Variants in BAALC observed in about 807,000 individuals in gnomAD.
BAALC encodes the protein brain and acute leukemia cytoplasmic protein.
BAALC carries 9 observed loss-of-function variants against 15.5 expected under a neutral mutation model. The observed-to-expected ratio is 0.58, with a 90% CI of 0.35 to 1.02. The LOEUF (loss-of-function observed/expected upper bound fraction) is 1.02. Among genes scored for constraint, BAALC ranks in the 50% least tolerant of loss-of-function variants. The pLI is 0.02. For missense variants in BAALC, 201 were observed against 192.4 expected (o/e 1.04, Z -0.27); for synonymous variants, 80 against 74.6 (o/e 1.07, Z -0.37).
chr8:103,147,471 A>AT (rs796496071), intron 1 of BAALC, among the ~76,000 whole-genome samples: 8 of 151,964 alleles, frequency 5.3e-5, no homozygotes, highest in Non-Finnish European at 7.4e-5. Flanking sequence ...AACATTGCAG[A>AT]TTTTTTTTTC....
At chr8:103,207,587 G>A (rs1173962365) in intron 1 of BAALC, among the ~76,000 whole-genome samples, 1 of 152,208 alleles carries the variant, frequency 6.6e-6, no homozygotes, top group Non-Finnish European at 1.5e-5. Flanking sequence ...GAGAGGGGAA[G>A]AAGCCTTTCC....
At chr8:103,151,780 G>T (rs937735899) in intron 1 of BAALC, among the ~76,000 whole-genome samples, 4 of 150,916 alleles carry the variant, frequency 2.7e-5, no homozygotes, top group Non-Finnish European at 5.9e-5. Flanking sequence ...TCACAGACTT[G>T]CCGTGAATTC....
At chr8:103,201,226 G>C (rs547213696) in intron 1 of BAALC, among the ~76,000 whole-genome samples, 1 of 152,242 alleles carries the variant, frequency 6.6e-6, no homozygotes, top group South Asian at 2.1e-4. Context: ...GCCATGATGG[G>C]CAGGGCCTTG....
In BAALC at chr8:103,141,070, G is replaced by A. The variant is rs762250241; in HGVS notation, c.160+13G>A. On this transcript the variant is annotated intron_variant, in intron 1 of 2. Coordinates refer to ENST00000309982, the MANE Select transcript of BAALC (RefSeq NM_024812.3). ...GGCCTGCACTCGGGTAAGTGGCCGG[G>A]CCCCTGCAGACCCTCGCCCGCCCGC... 1.4e-6 allele frequency: 2 copies of A among 1,471,142 alleles called. No homozygotes were observed. Among genetic ancestry groups the A allele is most frequent in the African/African-American group, 1.5e-5 (1 of 67,584 alleles). The allele number at this position is 1,471,142 out of a possible 1,614,324, so 91.1% of individuals were successfully genotyped here.
intron 1 of BAALC, among the ~76,000 whole-genome samples, chr8:103,190,679 T>A (rs1811946565): frequency 6.6e-6 from 1 of 152,208 alleles, no homozygotes; most frequent in African/African-American, 2.4e-5. Context: ...CTAATGGCAC[T>A]CCGGGACTAG....
rs753878417 is a variant in BAALC at position 103,229,747 on chromosome 8, CTT to C, written c.*1650_*1651del. ...TAGGTGTTCTAATCAATGTACAAGACTTTACCATACACGCAACTATAGTTTTT... is the reference window on the plus strand; with the variant it reads ...TAGGTGTTCTAATCAATGTACAAGACTACCATACACGCAACTATAGTTTTT... On this transcript the variant is annotated 3_prime_UTR_variant, in exon 3 of 3. Transcript: ENST00000309982. 5 of 152,220 alleles carry C rather than the reference CTT, an allele frequency of 3.3e-5. No individual in the cohort carries two copies. The highest frequency in any genetic ancestry group is 4.8e-5 in the African/African-American group (2 of 41,448). The allele number at this position is 152,220 out of a possible 1,614,324, so 9.4% of individuals were successfully genotyped here.
intron 2 of BAALC, among the ~76,000 whole-genome samples, chr8:103,223,392 T>G (rs1252376480): frequency 1.3e-5 from 2 of 152,216 alleles, no homozygotes; most frequent in Non-Finnish European, 2.9e-5. Flanking sequence ...CTCAATGTTA[T>G]GTGACATACT....
At position 103,228,369 on chromosome 8, in the gene BAALC, G is replaced by A. The variant is rs759395358; in HGVS notation, c.*270G>A. ...TTCAGTTTGTCTCTTTGCAACTCCT[G>A]TAATACGGTCTGGTGTAAAAGTAGT... On this transcript the variant is annotated 3_prime_UTR_variant, in exon 3 of 3. Coordinates refer to ENST00000309982, the MANE Select transcript of BAALC (RefSeq NM_024812.3). 14 of 353,506 alleles carry A rather than the reference G, an allele frequency of 4.0e-5. No individual in the cohort carries two copies. Among genetic ancestry groups the A allele is most frequent in the Non-Finnish European group, 5.1e-5 (10 of 194,222 alleles). 21.9% of individuals were successfully genotyped at this position (353,506 alleles called of 1,614,324 possible).
At chr8:103,205,522 A>G (rs1372265581) in intron 1 of BAALC, among the ~76,000 whole-genome samples, 6 of 150,346 alleles carry the variant, frequency 4.0e-5, no homozygotes, top group African/African-American at 9.8e-5. Context: ...GTTGATCTCT[A>G]TGTCAGATAG....
At chr8:103,154,068 A>G (rs1056965754) in intron 1 of BAALC, among the ~76,000 whole-genome samples, 1 of 152,230 alleles carries the variant, frequency 6.6e-6, no homozygotes, top group African/African-American at 2.4e-5. Context: ...CAGTCTTCAT[A>G]GCAGTCAGGC....
rs557504531 is a variant in BAALC at position 103,181,459 on chromosome 8, G to A, written c.161-31460G>A. ...GCTAATTTTTTGTATTTTTAGTAGA[G>A]ATGGGGGTTTCACCATGTTAGCCAG... On this transcript the variant is annotated intron_variant, in intron 1 of 2. Coordinates refer to ENST00000309982, the MANE Select transcript of BAALC (RefSeq NM_024812.3). Among the ~76,000 whole-genome samples the A allele has an allele frequency of 2.9e-3, 431 of 150,656 alleles. 3 individuals carry two copies. The highest frequency in any genetic ancestry group is 9.8e-3 in the African/African-American group (406 of 41,380).
At chr8:103,161,029 G>A (rs763599629) in intron 1 of BAALC, among the ~76,000 whole-genome samples, 3 of 152,136 alleles carry the variant, frequency 2.0e-5, no homozygotes, top group Admixed American at 6.6e-5. Context: ...AACCATCACA[G>A]TGGTTAAGCC....
At chr8:103,142,915 G>T (rs187700677) in intron 1 of BAALC, among the ~76,000 whole-genome samples, 1 of 152,202 alleles carries the variant, frequency 6.6e-6, no homozygotes, top group Admixed American at 6.5e-5. Context: ...GGCCAGCCCT[G>T]CCAGAGAGGT....
chr8:103,181,519 G>A (rs372250220), intron 1 of BAALC, among the ~76,000 whole-genome samples: 35 of 152,158 alleles, frequency 2.3e-4, no homozygotes, highest in Non-Finnish European at 3.1e-4. Flanking sequence ...TGATCTGCCC[G>A]CCTTGGCCTC....
At chr8:103,163,554 G>T (rs1811276696) in intron 1 of BAALC, among the ~76,000 whole-genome samples, 1 of 152,128 alleles carries the variant, frequency 6.6e-6, no homozygotes, top group Non-Finnish European at 1.5e-5. Flanking sequence ...GGTTATTTTT[G>T]TCTTATTCCT....
intron 1 of BAALC, among the ~76,000 whole-genome samples, chr8:103,175,519 C>A (rs1811588785): frequency 6.6e-6 from 1 of 152,168 alleles, no homozygotes; most frequent in Non-Finnish European, 1.5e-5. Flanking sequence ...TTGGGAGAAT[C>A]TTGGAAGTCA....
intron 1 of BAALC, among the ~76,000 whole-genome samples, chr8:103,177,804 A>T (rs568821554): frequency 1.3e-5 from 2 of 152,368 alleles, no homozygotes; most frequent in South Asian, 4.1e-4. Context: ...GACATTAAAT[A>T]AAATAATATA....
intron 1 of BAALC, among the ~76,000 whole-genome samples, chr8:103,199,251 A>G (rs182305232): frequency 6.6e-6 from 1 of 152,322 alleles, no homozygotes; most frequent in East Asian, 1.9e-4. Flanking sequence ...GGACAGTTTT[A>G]CCTGCACTTC....
chr8:103,224,000 G>GATGGAA (rs1186805271), intron 2 of BAALC, among the ~76,000 whole-genome samples: 1 of 152,200 alleles, frequency 6.6e-6, no homozygotes, highest in Non-Finnish European at 1.5e-5. Flanking sequence ...ATGGAAGTCA[G>GATGGAA]ATGGAATTGG....
Sources: gnomAD v4.1 joint callset for allele counts (sites outside exome capture counted in the v4.1 genomes callset) on GRCh38, gnomAD v4.1.1 for gene constraint, MANE v1.5 for transcripts, NCBI Gene and HGNC (gene_info 2026-07-23, HGNC 2026-07-21) for gene names.